The following SYNE1 variants were observed in gnomAD, a reference collection of about 807,000 sequenced individuals.
The protein encoded by SYNE1 is nesprin-1.
In SYNE1, 616 loss-of-function variants were observed where a neutral mutation model predicts 1,111.0. The observed-to-expected ratio is 0.55, with a 90% CI of 0.52 to 0.59. SYNE1 has a LOEUF of 0.59. SYNE1 is among the 20% of genes least tolerant of loss of function. The pLI, the probability that SYNE1 is intolerant of heterozygous loss-of-function variation, is 0.00. For missense variants in SYNE1, 10,006 were observed against 10,417.0 expected (o/e 0.96, Z 1.72); for synonymous variants, 3,855 against 3,825.8 (o/e 1.01, Z -0.28).
intron 6 of SYNE1, among the ~76,000 whole-genome samples, chr6:152,516,903 T>C (rs146440392): frequency 6.6e-6 from 1 of 152,190 alleles, no homozygotes; most frequent in Non-Finnish European, 1.5e-5. Context: ...ACTCTAAATA[T>C]CCTGTTTAAC....
chr6:152,180,350 C>T, intron 128 of SYNE1, 56 bp from the exon 129 acceptor site: 1 of 1,547,028 alleles, frequency 6.5e-7, no homozygotes, highest in Non-Finnish European at 8.9e-7. Context: ...GAAGACCACA[C>T]TCCAAGGAAA....
intron 59 of SYNE1, 143 bp downstream of exon 59, chr6:152,372,894 T>A (rs2097213041): frequency 2.3e-6 from 2 of 871,758 alleles, no homozygotes; most frequent in Non-Finnish European, 3.8e-6. Context: ...TCCTTACTGT[T>A]AGCCCATTGT....
At position 152,541,304 on chromosome 6, in the gene SYNE1, G is replaced by A. The variant is rs932499642; in HGVS notation, c.68-1283C>T. Among the ~76,000 whole-genome samples the A allele has an allele frequency of 2.6e-5, 4 of 152,122 alleles. No homozygotes were observed. The East Asian group carries it at 7.7e-4, about 29-fold the overall frequency. On this transcript the variant is annotated intron_variant, in intron 3 of 145. Coordinates refer to ENST00000367255, the MANE Select transcript of SYNE1 (RefSeq NM_182961.4). Reference sequence around the variant, plus strand: ...TTTGTATCATCTATGATTTCTTTCAGCAGTGTTTTATGGTTCTTCTGGTAG... The same window carrying A: ...TTTGTATCATCTATGATTTCTTTCAACAGTGTTTTATGGTTCTTCTGGTAG...
intron 51 of SYNE1, among the ~76,000 whole-genome samples, chr6:152,392,647 C>A (rs1255550354): frequency 6.6e-6 from 1 of 152,086 alleles, no homozygotes; most frequent in Non-Finnish European, 1.5e-5. Flanking sequence ...GACACCTACT[C>A]TGTAACAAAC....
At chr6:152,532,359 T>C (rs1342593118) in intron 4 of SYNE1, among the ~76,000 whole-genome samples, 2 of 152,230 alleles carry the variant, frequency 1.3e-5, no homozygotes, top group Non-Finnish European at 2.9e-5. Context: ...TGGTTTTTAC[T>C]TTTGAGAAAA....
chr6:152,258,743 C>G (rs979073131), intron 101 of SYNE1, among the ~76,000 whole-genome samples: 2 of 150,172 alleles, frequency 1.3e-5, no homozygotes, highest in Admixed American at 6.6e-5. Context: ...TTCTTTTTTT[C>G]TTCTTCTTTT....
chr6:152,250,435 G>A (rs1321930259), intron 104 of SYNE1, among the ~76,000 whole-genome samples: 2 of 152,152 alleles, frequency 1.3e-5, no homozygotes, highest in Non-Finnish European at 1.5e-5. Context: ...CTAATGAGTG[G>A]AAGGATAATC....
intron 100 of SYNE1, among the ~76,000 whole-genome samples, chr6:152,263,068 G>A (rs1014291310): frequency 3.6e-5 from 5 of 139,128 alleles, no homozygotes; most frequent in South Asian, 2.4e-4. Flanking sequence ...GAGATAGTAC[G>A]GGACCTGGGA....
At chr6:152,352,477 A>G (rs1365983334) in intron 69 of SYNE1, 124 bp from the exon 70 acceptor site, 3 of 1,014,990 alleles carry the variant, frequency 3.0e-6, no homozygotes, top group Non-Finnish European at 4.3e-6. Context: ...ATCTTGGCTC[A>G]CTGCAACTTC....
chr6:152,365,486 GTCTA>G (rs2097056502), intron 62 of SYNE1, among the ~76,000 whole-genome samples: 1 of 152,128 alleles, frequency 6.6e-6, no homozygotes, highest in African/African-American at 2.4e-5. Context: ...TAGAGACAGA[GTCTA>G]TCTTTCTCTC....
chr6:152,210,966 G>A (rs2153422533), intron 124 of SYNE1, among the ~76,000 whole-genome samples: 1 of 152,272 alleles, frequency 6.6e-6, no homozygotes, highest in South Asian at 2.1e-4. Flanking sequence ...GAGAAAGCTG[G>A]CTGGTATGAT....
At chr6:152,425,028 C>T (rs116791412) in intron 39 of SYNE1, among the ~76,000 whole-genome samples, 2,521 of 152,252 alleles carry the variant, frequency 0.017, 59 homozygotes, top group African/African-American at 0.057. Context: ...GTATAAAATG[C>T]CTCTGGTTGA....
intron 101 of SYNE1, among the ~76,000 whole-genome samples, chr6:152,258,823 C>T (rs550312165): frequency 1.3e-5 from 2 of 151,764 alleles, no homozygotes; most frequent in Non-Finnish European, 2.9e-5. Flanking sequence ...TGGCACACTG[C>T]AACCTCTGCC....
chr6:152,552,846 A>T (rs2128150349), intron 3 of SYNE1, among the ~76,000 whole-genome samples: 1 of 152,212 alleles, frequency 6.6e-6, no homozygotes, highest in Admixed American at 6.5e-5. Flanking sequence ...CTCATAATAG[A>T]AGATCTACTG....
In SYNE1 at chr6:152,190,871, C is replaced by T. The variant is rs56012991; in HGVS notation, c.23146-1464G>A. On this transcript the variant is annotated intron_variant, in intron 127 of 145. Coordinates refer to ENST00000367255, the MANE Select transcript of SYNE1 (RefSeq NM_182961.4). ...TGTGTTCCAGATCTTAGAGGAAAGG[C>T]TTTCAGTTTTTCCTTATTCAGTATG... 3.7e-3 allele frequency among the ~76,000 whole-genome samples: 569 copies of T among 152,320 alleles called. 4 individuals carry two copies. Among genetic ancestry groups the T allele is most frequent in the African/African-American group, 0.013 (555 of 41,558 alleles).
Position 152,318,085 on chromosome 6 carries a change from T to C in SYNE1, c.16568A>G (p.Asn5523Ser), listed in dbSNP as rs773901491. The C allele has an allele frequency of 2.8e-5, 46 of 1,614,212 alleles. No individual in the cohort carries two copies. In the East Asian group the frequency reaches 9.1e-4, roughly 32 times the overall value. The change falls in exon 86 of 146, where the codon AAT becomes AGT. Residue 5523 changes from asparagine (N) to serine (S), a missense_variant. Physicochemically the swap from Asn to Ser is conservative, Grantham distance 46. Transcript: ENST00000367255. ...TTTCTGGCCCGGAACACATACCTGA[T>C]TGAGCTTGGAGAGCCGATTCTCAGC... ...RQAENRLSKL[N>S]QAASHLEEYN...
chr6:152,204,163 G>A (rs541764743), intron 126 of SYNE1, among the ~76,000 whole-genome samples: 14 of 151,928 alleles, frequency 9.2e-5, no homozygotes, highest in Admixed American at 2.0e-4. Flanking sequence ...CCAGGAGTTC[G>A]AGACCAGCCT....
intron 133 of SYNE1, among the ~76,000 whole-genome samples, 188 bp downstream of exon 133, chr6:152,154,704 A>G (rs2152939949): frequency 6.6e-6 from 1 of 152,216 alleles, no homozygotes; most frequent in Non-Finnish European, 1.5e-5. Context: ...TTAAAATAAA[A>G]ACCTCTTTTT....
chr6:152,476,041 T>C (rs776368329), intron 14 of SYNE1, among the ~76,000 whole-genome samples: 2 of 152,216 alleles, frequency 1.3e-5, no homozygotes, highest in Non-Finnish European at 2.9e-5. Context: ...CTCTTAATAC[T>C]GGATTCCCTC....
Sources: allele counts gnomAD v4.1 joint callset (sites outside exome capture counted in the v4.1 genomes callset), GRCh38; gene constraint gnomAD v4.1.1; transcripts MANE v1.5; gene names NCBI Gene and HGNC (gene_info 2026-07-23, HGNC 2026-07-21).